Variants in PDS5A observed in about 807,000 individuals in gnomAD.
PDS5A encodes the protein PDS5 cohesin associated factor A.
In PDS5A, 42 loss-of-function variants were observed where a neutral mutation model predicts 167.1. The observed-to-expected ratio is 0.25, with a 90% confidence interval of 0.20 to 0.33. PDS5A has a LOEUF of 0.33. Among genes scored for constraint, PDS5A ranks in the 10% least tolerant of loss-of-function variants. PDS5A has a pLI of 1.00. For missense variants in PDS5A, 1,033 were observed against 1,605.9 expected (o/e 0.64, Z 6.10); for synonymous variants, 553 against 554.6 (o/e 1.00, Z 0.04).
At chr4:39,831,932 C>T (rs532687006) in intron 32 of PDS5A, among the ~76,000 whole-genome samples, 2 of 133,782 alleles carry the variant, frequency 1.5e-5, no homozygotes, top group Admixed American at 8.0e-5. Context: ...CTGCCCAACA[C>T]GGTGAAACCC....
At chr4:39,885,398 G>A (rs1207021339) in intron 17 of PDS5A, among the ~76,000 whole-genome samples, 1 of 151,916 alleles carries the variant, frequency 6.6e-6, no homozygotes, top group South Asian at 2.1e-4. Flanking sequence ...CCAGGAGCTC[G>A]AGACCAGCCT....
At chr4:39,831,043 T>G (rs1715815334) in intron 32 of PDS5A, among the ~76,000 whole-genome samples, 1 of 152,254 alleles carries the variant, frequency 6.6e-6, no homozygotes, top group African/African-American at 2.4e-5. Flanking sequence ...CCTCCACTTT[T>G]GGGAGGAAAT....
At chr4:39,927,742 T>C (rs1338196258) in intron 3 of PDS5A, among the ~76,000 whole-genome samples, 1 of 152,222 alleles carries the variant, frequency 6.6e-6, no homozygotes, top group Non-Finnish European at 1.5e-5. Flanking sequence ...GGACTAGTTT[T>C]GAACTATACC....
At chr4:39,862,402 A>C in intron 25 of PDS5A, 69 bp from the exon 26 acceptor site, 7 of 629,540 alleles carry the variant, frequency 1.1e-5, no homozygotes, top group East Asian at 3.0e-5. Context: ...TAACCACTTA[A>C]GTTTTCATTT....
intron 2 of PDS5A, among the ~76,000 whole-genome samples, chr4:39,959,928 C>T (rs1729317772): frequency 6.6e-6 from 1 of 151,994 alleles, no homozygotes; most frequent in Non-Finnish European, 1.5e-5. Context: ...GCCATCTCTA[C>T]TAAAAATACA....
At chr4:39,964,525 G>A (rs555248439) in intron 2 of PDS5A, among the ~76,000 whole-genome samples, 2 of 152,252 alleles carry the variant, frequency 1.3e-5, no homozygotes, top group South Asian at 4.1e-4. Context: ...TCAACGTAGA[G>A]CGACCCCCAA....
chr4:39,960,296 C>CA (rs1282629262), intron 2 of PDS5A, among the ~76,000 whole-genome samples: 6 of 151,734 alleles, frequency 4.0e-5, no homozygotes, highest in African/African-American at 4.8e-5. Context: ...ACAACAAAAA[C>CA]AAAAAAACAC....
intron 2 of PDS5A, among the ~76,000 whole-genome samples, chr4:39,930,508 T>C (rs1218487481): frequency 6.6e-6 from 1 of 152,088 alleles, no homozygotes; most frequent in Non-Finnish European, 1.5e-5. Flanking sequence ...ATTCTAATTT[T>C]ACTATTTTAG....
intron 9 of PDS5A, among the ~76,000 whole-genome samples, chr4:39,911,523 A>T (rs573387198): frequency 6.6e-6 from 1 of 152,080 alleles, no homozygotes; most frequent in African/African-American, 2.4e-5. Flanking sequence ...CATACAACAC[A>T]ATATGTAGAC....
At chr4:39,839,673 A>G (rs1560416462) in intron 31 of PDS5A, among the ~76,000 whole-genome samples, 3 of 146,688 alleles carry the variant, frequency 2.0e-5, no homozygotes. Flanking sequence ...AATGTACCCA[A>G]GGGTAATATC....
At chr4:39,901,266 C>CTTTTTTTTTTTTT (rs772230554) in intron 13 of PDS5A, among the ~76,000 whole-genome samples, 2 of 121,282 alleles carry the variant, frequency 1.6e-5, no homozygotes, top group Non-Finnish European at 3.3e-5. Flanking sequence ...TCTTTTCTTT[C>CTTTTTTTTTTTTT]TTTTTTTTTT....
At position 39,941,627 on chromosome 4, in the gene PDS5A, C is replaced by T. The variant is rs150531926; in HGVS notation, c.139-13463G>A. 3.9e-5 allele frequency among the ~76,000 whole-genome samples: 6 copies of T among 152,352 alleles called. No individual in the cohort carries two copies. In the East Asian group the frequency reaches 1.2e-3, roughly 29 times the overall value. ...ATTAGAATTGAAAGTCCACCTAATA[C>T]ACACAAACTAACTTTGGAGTTTAGC... On this transcript the variant is annotated intron_variant, in intron 2 of 32. Coordinates refer to ENST00000303538, the MANE Select transcript of PDS5A (RefSeq NM_001100399.2).
intron 2 of PDS5A, among the ~76,000 whole-genome samples, chr4:39,929,035 G>A (rs1560492591): frequency 6.6e-6 from 1 of 151,942 alleles, no homozygotes; most frequent in Admixed American, 6.6e-5. Context: ...TGTACTTTAT[G>A]CTGGCCTGTT....
chr4:39,863,832 G>A (rs901374684), intron 23 of PDS5A, among the ~76,000 whole-genome samples: 1 of 152,086 alleles, frequency 6.6e-6, no homozygotes, highest in African/African-American at 2.4e-5. Context: ...ATTGATTGTA[G>A]AAAACTTGAT....
rs577894497 is a variant in PDS5A, at chr4:39,863,226, G to A, written c.2766+110C>T. On this transcript the variant is annotated intron_variant, in intron 24 of 32. Transcript: ENST00000303538. ...GAAGACAGTTAAACAGGTAATAATA[G>A]TAGTGACTTTTGTGCATATATTCAC... 102 of 931,734 alleles carry A rather than the reference G, an allele frequency of 1.1e-4. No individual in the cohort carries two copies. In the African/African-American group the frequency reaches 1.6e-3, roughly 14 times the overall value. The allele number at this position is 931,734 out of a possible 1,614,324, so 57.7% of individuals were successfully genotyped here.
At chr4:39,852,969 C>T (rs1441705060) in intron 26 of PDS5A, among the ~76,000 whole-genome samples, 1 of 152,104 alleles carries the variant, frequency 6.6e-6, no homozygotes, top group East Asian at 1.9e-4. Flanking sequence ...AGAAATTGTT[C>T]GCCTGTGAAA....
intron 19 of PDS5A, among the ~76,000 whole-genome samples, chr4:39,875,860 T>C (rs1364277591): frequency 6.6e-6 from 1 of 152,170 alleles, no homozygotes; most frequent in African/African-American, 2.4e-5. Flanking sequence ...TGTTGTTAAA[T>C]GTATTATTAT....
intron 4 of PDS5A, 57 bp from the exon 5 acceptor site, chr4:39,925,990 TAAA>T (rs888944220): frequency 2.0e-6 from 1 of 503,302 alleles, no homozygotes; most frequent in Non-Finnish European, 3.2e-6. Context: ...AGTTATATAA[TAAA>T]AAACTCAGTA....
intron 2 of PDS5A, among the ~76,000 whole-genome samples, chr4:39,943,395 GTTA>G (rs1441585959): frequency 1.3e-5 from 2 of 151,926 alleles, no homozygotes; most frequent in African/African-American, 4.8e-5. Context: ...ATAAGACAAG[GTTA>G]TTATTTCATA....
Sources: gnomAD v4.1 joint callset for allele counts (sites outside exome capture counted in the v4.1 genomes callset) on GRCh38, gnomAD v4.1.1 for gene constraint, MANE v1.5 for transcripts, NCBI Gene and HGNC (gene_info 2026-07-23, HGNC 2026-07-21) for gene names.